Variants in IL1RAPL2 observed in about 807,000 individuals in gnomAD.
The protein encoded by IL1RAPL2 is interleukin 1 receptor accessory protein like 2.
Under a neutral mutation model 44.1 loss-of-function variants are expected in IL1RAPL2, and 3 were observed. That is an observed-to-expected ratio of 0.07 (90% CI 0.03 to 0.18). The LOEUF is 0.18. Ranked by LOEUF, IL1RAPL2 falls within the 10% of genes least tolerant of loss-of-function variation. The pLI is 1.00. For missense variants in IL1RAPL2, 391 were observed against 496.4 expected, an observed-to-expected ratio of 0.79 and a Z score of 2.02; for synonymous variants, 181 against 178.8, an observed-to-expected ratio of 1.01 and a Z score of -0.10.
At chrX:105,032,514 C>G (rs140476268) in intron 2 of IL1RAPL2, among the ~76,000 whole-genome samples, 50 of 111,576 alleles carry the variant, frequency 4.5e-4, no homozygotes, top group Non-Finnish European at 7.7e-4. Context: ...AGGTTGTTCA[C>G]TTTCCATGTA....
chrX:105,736,887 C>G lies in IL1RAPL2; in HGVS notation c.903-3659C>G, dbSNP rs776516054. ...ATTATTGGATTATTGGGTATATACC[C>G]AAGGGAATATAAATTGTTCTACCAT... On this transcript the variant is annotated intron_variant, in intron 7 of 10. Transcript: ENST00000372582. 4.5e-5 allele frequency among the ~76,000 whole-genome samples: 5 copies of G among 111,661 alleles called. No individual in the cohort carries two copies. In the South Asian group the frequency reaches 1.9e-3, roughly 42 times the overall value.
intron 2 of IL1RAPL2, among the ~76,000 whole-genome samples, chrX:104,742,182 G>A (rs1347525972): frequency 6.3e-5 from 7 of 111,584 alleles, no homozygotes; most frequent in Admixed American, 5.7e-4. Context: ...TTATATTCAC[G>A]TTATTCAATG....
At chrX:104,718,878 CTG>C (rs1241746747) in intron 2 of IL1RAPL2, among the ~76,000 whole-genome samples, 2 of 111,819 alleles carry the variant, frequency 1.8e-5, no homozygotes. Context: ...CATACAGTCT[CTG>C]TGACAACTAT....
Position 104,708,695 on chromosome X carries a change from T to C in IL1RAPL2, c.82+49700T>C, listed in dbSNP as rs186228161. On this transcript the variant is annotated intron_variant, in intron 2 of 10. Coordinates refer to ENST00000372582, the MANE Select transcript of IL1RAPL2 (RefSeq NM_017416.2). ...GGTGTGACTGAGAGGTGGAATGATA[T>C]AGGAAGCAAGGAAAATATTATAGAA... 1.4e-3 allele frequency among the ~76,000 whole-genome samples: 152 copies of C among 111,060 alleles called. 1 individual carries two copies. The highest frequency in any genetic ancestry group is 2.4e-3 in the Non-Finnish European group (129 of 52,786).
intron 2 of IL1RAPL2, among the ~76,000 whole-genome samples, chrX:105,179,358 T>C (rs1315078137): frequency 8.9e-6 from 1 of 112,369 alleles, no homozygotes; most frequent in Non-Finnish European, 1.9e-5. Flanking sequence ...TGTGTCTATT[T>C]GTATACCAGT....
chrX:104,760,381 T>C (rs1030977641), intron 2 of IL1RAPL2, among the ~76,000 whole-genome samples: 2 of 112,197 alleles, frequency 1.8e-5, no homozygotes, highest in Admixed American at 9.4e-5. Context: ...ATGGTTGTAC[T>C]AATTTACATT....
chrX:104,591,175 T>C (rs1442550182), intron 1 of IL1RAPL2, among the ~76,000 whole-genome samples: 1 of 111,877 alleles, frequency 8.9e-6, no homozygotes, highest in Non-Finnish European at 1.9e-5. Context: ...AGAGCCTGGT[T>C]GATCTGCTTC....
chrX:105,329,155 T>C (rs2034965940), intron 5 of IL1RAPL2, among the ~76,000 whole-genome samples: 1 of 112,440 alleles, frequency 8.9e-6, no homozygotes, highest in African/African-American at 3.2e-5. Flanking sequence ...ACAGAACTGA[T>C]ACATTGTTGA....
rs745537863 is a variant in IL1RAPL2, at chrX:105,442,996, A to C, written c.698-41317A>C. 1.9e-4 allele frequency among the ~76,000 whole-genome samples: 21 copies of C among 111,768 alleles called. 1 individual carries two copies. The East Asian group carries it at 5.4e-3, about 29-fold the overall frequency. ...GAGGCTGAGGCAGGAGAACTGCTTG[A>C]ATCCAGGAGGCAGAGGTTGCAGTGA... On this transcript the variant is annotated intron_variant, in intron 5 of 10. Transcript: ENST00000372582.
intron 6 of IL1RAPL2, among the ~76,000 whole-genome samples, chrX:105,486,342 A>C (rs975177272): frequency 8.9e-6 from 1 of 112,373 alleles, no homozygotes; most frequent in African/African-American, 3.2e-5. Flanking sequence ...TAAGCCTAGC[A>C]ATGTGAGTAC....
intron 5 of IL1RAPL2, among the ~76,000 whole-genome samples, chrX:105,447,794 AATATATTAT>A (rs2035981080): frequency 1.1e-5 from 1 of 89,328 alleles, no homozygotes; most frequent in African/African-American, 4.4e-5. Flanking sequence ...AATATATATA[AATATATTAT>A]ACATATAAAT....
intron 2 of IL1RAPL2, among the ~76,000 whole-genome samples, chrX:104,909,593 G>T (rs1378778337): frequency 2.7e-5 from 3 of 111,603 alleles, no homozygotes; most frequent in African/African-American, 9.8e-5. Flanking sequence ...GTCTGTTGGA[G>T]TCCCCTTGCC....
At chrX:105,120,704 A>G (rs369930149) in intron 2 of IL1RAPL2, among the ~76,000 whole-genome samples, 4 of 111,915 alleles carry the variant, frequency 3.6e-5, no homozygotes, top group East Asian at 2.8e-4. Context: ...CACTTAGACT[A>G]TACTCCCCGA....
chrX:104,715,475 T>C (rs1011305343), intron 2 of IL1RAPL2, among the ~76,000 whole-genome samples: 1 of 107,599 alleles, frequency 9.3e-6, no homozygotes, highest in Non-Finnish European at 1.9e-5. Context: ...GGTTTTTGTG[T>C]CTCTATCTCC....
At position 105,373,272 on chromosome X, in the gene IL1RAPL2, A is replaced by G. The variant is rs368737418; in HGVS notation, c.697+105731A>G. 3.9e-4 allele frequency among the ~76,000 whole-genome samples: 44 copies of G among 112,517 alleles called. 1 individual carries two copies. In the South Asian group the frequency reaches 0.015, roughly 39 times the overall value. ...ACCTGCATTTCTCTAATGATCAGTG[A>G]TACTGAGCTTTTTTTTCATACAGTT... On this transcript the variant is annotated intron_variant, in intron 5 of 10. Coordinates refer to ENST00000372582, the MANE Select transcript of IL1RAPL2 (RefSeq NM_017416.2).
chrX:104,923,565 A>G (rs774694888), intron 2 of IL1RAPL2, among the ~76,000 whole-genome samples: 16 of 112,012 alleles, frequency 1.4e-4, no homozygotes, highest in Non-Finnish European at 2.8e-4. Context: ...ACTAAGGTTC[A>G]TAAATGAAGG....
At chrX:105,065,228 TC>T (rs2032123119) in intron 2 of IL1RAPL2, among the ~76,000 whole-genome samples, 2 of 112,107 alleles carry the variant, frequency 1.8e-5, no homozygotes, top group South Asian at 7.4e-4. Context: ...GTTTGAGGGT[TC>T]ATATGACAGA....
intron 6 of IL1RAPL2, among the ~76,000 whole-genome samples, chrX:105,706,805 G>A (rs1335408656): frequency 9.0e-6 from 1 of 111,582 alleles, no homozygotes; most frequent in African/African-American, 3.2e-5. Context: ...GGCAGCAGGA[G>A]AGGTGACTTC....
At chrX:105,554,212 TG>T (rs1460152959) in intron 6 of IL1RAPL2, among the ~76,000 whole-genome samples, 1 of 112,807 alleles carries the variant, frequency 8.9e-6, no homozygotes, top group Non-Finnish European at 1.9e-5. Context: ...CTATATAATG[TG>T]TTCTCTCCTC....
Sources: gnomAD v4.1 joint callset for allele counts (sites outside exome capture counted in the v4.1 genomes callset) on GRCh38, gnomAD v4.1.1 for gene constraint, MANE v1.5 for transcripts, NCBI Gene and HGNC (gene_info 2026-07-23, HGNC 2026-07-21) for gene names.